The following DLG2 variants were observed in gnomAD, a reference collection of about 807,000 sequenced individuals.
DLG2 encodes the protein disks large homolog 2.
Under a neutral mutation model 132.5 loss-of-function variants are expected in DLG2, and 45 were observed. That is an observed-to-expected ratio of 0.34 (90% CI 0.27 to 0.44). DLG2 has a LOEUF of 0.44. DLG2 is among the 20% of genes least tolerant of loss of function. The pLI, the probability that DLG2 is intolerant of heterozygous loss-of-function variation, is 1.00. For synonymous variants in DLG2, 424 were observed against 419.6 expected, an observed-to-expected ratio of 1.01 and a Z score of -0.13; for missense variants, 1,045 against 1,196.9, an observed-to-expected ratio of 0.87 and a Z score of 1.87.
intron 3 of DLG2, among the ~76,000 whole-genome samples, chr11:85,491,617 T>C (rs1167837168): frequency 6.6e-6 from 1 of 151,862 alleles, no homozygotes; most frequent in Non-Finnish European, 1.5e-5. Context: ...CAAGAAACTA[T>C]CCAAAAAAGA....
chr11:84,476,394 A>G (rs2154492072), intron 7 of DLG2, among the ~76,000 whole-genome samples: 1 of 152,302 alleles, frequency 6.6e-6, no homozygotes, highest in East Asian at 1.9e-4. Context: ...TCCTCTTTTA[A>G]TCATTTCAAC....
chr11:84,463,938 C>T (rs546400287), intron 7 of DLG2, among the ~76,000 whole-genome samples: 1 of 151,344 alleles, frequency 6.6e-6, no homozygotes, highest in East Asian at 2.0e-4. Flanking sequence ...CTCTTGCCCT[C>T]CACTTCGGGC....
intron 18 of DLG2, among the ~76,000 whole-genome samples, chr11:83,733,813 T>A (rs1460305873): frequency 6.6e-6 from 1 of 152,230 alleles, no homozygotes. Flanking sequence ...TGCAGTTTTG[T>A]TACATGGATA....
At chr11:84,737,748 G>A (rs2064046873) in intron 6 of DLG2, among the ~76,000 whole-genome samples, 3 of 151,942 alleles carry the variant, frequency 2.0e-5, no homozygotes, top group Non-Finnish European at 4.4e-5. Context: ...AACAGCACTG[G>A]AAACAAAGAT....
chr11:84,068,255 T>TAA (rs2096708019), intron 10 of DLG2, among the ~76,000 whole-genome samples: 1 of 152,366 alleles, frequency 6.6e-6, no homozygotes, highest in Non-Finnish European at 1.5e-5. Context: ...TCCCAGCGCT[T>TAA]AATTGTCCAG....
intron 19 of DLG2, among the ~76,000 whole-genome samples, chr11:83,627,485 C>T (rs1306889398): frequency 6.6e-6 from 1 of 152,042 alleles, no homozygotes; most frequent in African/African-American, 2.4e-5. Flanking sequence ...GTCCTTGCGA[C>T]AGTTTGCTCA....
intron 7 of DLG2, among the ~76,000 whole-genome samples, chr11:84,489,281 A>G (rs533504761): frequency 6.6e-6 from 1 of 152,254 alleles, no homozygotes; most frequent in African/African-American, 2.4e-5. Context: ...CCGAAGGATA[A>G]TGGTGGTTCA....
chr11:83,584,143 T>G (rs910106187), intron 19 of DLG2, among the ~76,000 whole-genome samples: 1 of 152,194 alleles, frequency 6.6e-6, no homozygotes, highest in Non-Finnish European at 1.5e-5. Context: ...TGTTTCCTAT[T>G]ATAGACTTTT....
intron 3 of DLG2, among the ~76,000 whole-genome samples, chr11:85,291,060 C>A (rs1457417753): frequency 2.0e-5 from 3 of 152,068 alleles, no homozygotes. Context: ...TACCTTCAAG[C>A]ATTTGATGAG....
intron 18 of DLG2, among the ~76,000 whole-genome samples, chr11:83,746,466 C>G (rs1263468305): frequency 1.3e-5 from 2 of 152,032 alleles, no homozygotes; most frequent in African/African-American, 4.8e-5. Context: ...TCTCAGCAAA[C>G]CATTGCAAGG....
At chr11:85,030,962 A>C (rs1364540089) in intron 6 of DLG2, among the ~76,000 whole-genome samples, 1 of 151,868 alleles carries the variant, frequency 6.6e-6, no homozygotes, top group Non-Finnish European at 1.5e-5. Context: ...TTTAAATTTT[A>C]TTTTATTTTA....
chr11:84,618,725 C>T (rs1456427838), intron 6 of DLG2, among the ~76,000 whole-genome samples: 1 of 152,004 alleles, frequency 6.6e-6, no homozygotes, highest in Admixed American at 6.6e-5. Context: ...AAAATTCCCA[C>T]TATTTAAGTC....
intron 4 of DLG2, among the ~76,000 whole-genome samples, chr11:85,270,611 G>C (rs747932430): frequency 4.6e-5 from 7 of 152,192 alleles, no homozygotes; most frequent in South Asian, 2.1e-4. Flanking sequence ...GAACTCCCTA[G>C]AGACTTGTTG....
At chr11:85,336,936 T>A (rs1478830055) in intron 3 of DLG2, among the ~76,000 whole-genome samples, 1 of 152,228 alleles carries the variant, frequency 6.6e-6, no homozygotes, top group Non-Finnish European at 1.5e-5. Flanking sequence ...TAAGAAATAC[T>A]GGCTTTAGGA....
intron 7 of DLG2, among the ~76,000 whole-genome samples, chr11:84,358,034 A>G (rs2098628274): frequency 6.6e-6 from 1 of 152,012 alleles, no homozygotes; most frequent in African/African-American, 2.4e-5. Flanking sequence ...CTACAATGAC[A>G]ATTACCCATA....
intron 3 of DLG2, among the ~76,000 whole-genome samples, chr11:85,402,523 G>A (rs902798664): frequency 6.6e-6 from 1 of 151,476 alleles, no homozygotes; most frequent in Non-Finnish European, 1.5e-5. Flanking sequence ...CTTCTGCACA[G>A]CAAAAGAAAC....
At chr11:84,134,414 G>A (rs904524548) in intron 9 of DLG2, among the ~76,000 whole-genome samples, 3 of 152,070 alleles carry the variant, frequency 2.0e-5, no homozygotes, top group Non-Finnish European at 4.4e-5. Context: ...TTAAAGCCTA[G>A]GTATCTACTG....
At chr11:84,989,486 A>C (rs962321945) in intron 6 of DLG2, among the ~76,000 whole-genome samples, 19 of 152,278 alleles carry the variant, frequency 1.2e-4, no homozygotes, top group South Asian at 6.2e-4. Context: ...ATAAGTTCTA[A>C]ATAAATGGAA....
At chr11:85,314,884 G>T (rs1289258566) in intron 3 of DLG2, among the ~76,000 whole-genome samples, 1 of 151,886 alleles carries the variant, frequency 6.6e-6, no homozygotes, top group Admixed American at 6.6e-5. Flanking sequence ...CCTTCATACA[G>T]AACCAGTTCC....
Sources: gnomAD v4.1 joint callset for allele counts (sites outside exome capture counted in the v4.1 genomes callset) on GRCh38, gnomAD v4.1.1 for gene constraint, MANE v1.5 for transcripts, NCBI Gene and HGNC (gene_info 2026-07-23, HGNC 2026-07-21) for gene names.